TRPM3: variants seen among roughly 807,000 people sequenced by gnomAD.
TRPM3 encodes the protein transient receptor potential cation channel subfamily M member 3.
In TRPM3, 77 loss-of-function variants were observed where a neutral mutation model predicts 181.2. That is an observed-to-expected ratio of 0.42 (90% CI 0.35 to 0.51). TRPM3 has a LOEUF of 0.51. Among genes scored for constraint, TRPM3 ranks in the 20% least tolerant of loss-of-function variants. The pLI, the probability that TRPM3 is intolerant of heterozygous loss-of-function variation, is 0.01. For missense variants in TRPM3, 1,759 were observed against 2,196.7 expected, an observed-to-expected ratio of 0.80 and a Z score of 3.98; for synonymous variants, 745 against 796.4, an observed-to-expected ratio of 0.94 and a Z score of 1.09.
At chr9:71,091,031 C>CT (rs1004337626) in intron 1 of TRPM3, among the ~76,000 whole-genome samples, 2 of 152,020 alleles carry the variant, frequency 1.3e-5, no homozygotes, top group African/African-American at 4.8e-5. Flanking sequence ...AATTTACTGC[C>CT]TTTTTTTCTG....
intron 9 of TRPM3, among the ~76,000 whole-genome samples, chr9:70,674,724 ATTT>A (rs67630432): frequency 1.0e-5 from 1 of 97,886 alleles, no homozygotes; most frequent in African/African-American, 4.0e-5. Context: ...TATTCAGGCT[ATTT>A]TTTTTTTTTT....
chr9:71,201,076 C>CA, intron 1 of TRPM3, among the ~76,000 whole-genome samples: 1 of 152,110 alleles, frequency 6.6e-6, no homozygotes, highest in African/African-American at 2.4e-5. Flanking sequence ...CTGGTGGTGA[C>CA]AAAATCACTC....
At chr9:70,696,693 C>A (rs1043061769) in intron 8 of TRPM3, among the ~76,000 whole-genome samples, 3 of 152,074 alleles carry the variant, frequency 2.0e-5, no homozygotes, top group African/African-American at 7.2e-5. Flanking sequence ...CCAAGATAAT[C>A]CTAAATTTTG....
intron 1 of TRPM3, among the ~76,000 whole-genome samples, chr9:71,304,528 T>TTG (rs1371872739): frequency 6.6e-6 from 1 of 152,220 alleles, no homozygotes; most frequent in Non-Finnish European, 1.5e-5. Context: ...CTAGCATCTA[T>TTG]TGTAAGGGTA....
At chr9:71,294,000 C>T (rs973199569) in intron 1 of TRPM3, among the ~76,000 whole-genome samples, 4 of 151,928 alleles carry the variant, frequency 2.6e-5, no homozygotes, top group Non-Finnish European at 5.9e-5. Context: ...CTGCTTCCTT[C>T]TTGGAATAAA....
At chr9:71,339,761 AG>A (rs1457315512) in intron 1 of TRPM3, among the ~76,000 whole-genome samples, 4 of 152,084 alleles carry the variant, frequency 2.6e-5, no homozygotes, top group Admixed American at 1.3e-4. Context: ...GTTGACTCTG[AG>A]GGGGTAGCAG....
intron 1 of TRPM3, among the ~76,000 whole-genome samples, chr9:71,428,948 G>GAAAAA (rs34737844): frequency 1.6e-5 from 2 of 121,996 alleles, no homozygotes; most frequent in Non-Finnish European, 1.7e-5. Flanking sequence ...TGTTTCAAAG[G>GAAAAA]AAAAAAAAAA....
chr9:71,307,000 T>C (rs1488249375), intron 1 of TRPM3, among the ~76,000 whole-genome samples: 1 of 152,234 alleles, frequency 6.6e-6, no homozygotes, highest in East Asian at 1.9e-4. Flanking sequence ...CTTCATAGAT[T>C]ACTCACTAGT....
intron 1 of TRPM3, among the ~76,000 whole-genome samples, chr9:71,163,846 A>T (rs1395690637): frequency 6.6e-6 from 1 of 152,104 alleles, no homozygotes; most frequent in Admixed American, 6.6e-5. Flanking sequence ...CCAAAGAAAG[A>T]GATTTTTAGT....
intron 1 of TRPM3, among the ~76,000 whole-genome samples, chr9:71,109,418 C>T (rs2134183101): frequency 6.6e-6 from 1 of 152,138 alleles, no homozygotes; most frequent in South Asian, 2.1e-4. Context: ...TCCTTGAATT[C>T]TGTTAATTTG....
chr9:71,196,302 T>C (rs2078358139), intron 1 of TRPM3, among the ~76,000 whole-genome samples: 1 of 148,894 alleles, frequency 6.7e-6, no homozygotes, highest in Non-Finnish European at 1.5e-5. Context: ...AGTATTGAAG[T>C]TATGGCCAAA....
chr9:70,978,588 T>C lies in TRPM3; in HGVS notation c.178-114077A>G, dbSNP rs7045398. ...TCCATTGAAGTTATTTCCGATGCTT[T>C]CATTTGCCACATAAATTTCTGAAAC... On this transcript the variant is annotated intron_variant, in intron 1 of 25. Transcript: ENST00000677713. Among the ~76,000 whole-genome samples the C allele has an allele frequency of 3.5e-3, 528 of 152,332 alleles. 6 individuals are homozygous for C. The highest frequency in any genetic ancestry group is 0.012 in the African/African-American group (502 of 41,572).
At chr9:70,583,855 G>A (rs1378527734) in intron 22 of TRPM3, among the ~76,000 whole-genome samples, 3 of 152,092 alleles carry the variant, frequency 2.0e-5, no homozygotes, top group Admixed American at 1.3e-4. Context: ...TACTCTCACC[G>A]TACTTCTTTC....
intron 6 of TRPM3, among the ~76,000 whole-genome samples, chr9:70,817,698 C>T (rs976411207): frequency 2.0e-5 from 3 of 152,144 alleles, no homozygotes; most frequent in African/African-American, 7.2e-5. Flanking sequence ...AAGAAATTCT[C>T]ATTAGAAACT....
At chr9:70,602,194 C>A (rs1373795387) in intron 20 of TRPM3, among the ~76,000 whole-genome samples, 6 of 145,610 alleles carry the variant, frequency 4.1e-5, no homozygotes, top group African/African-American at 1.3e-4. Context: ...AGATGGTAGT[C>A]AGAGTTAAAA....
intron 1 of TRPM3, among the ~76,000 whole-genome samples, chr9:70,895,620 C>T (rs377484158): frequency 6.6e-6 from 1 of 152,098 alleles, no homozygotes; most frequent in African/African-American, 2.4e-5. Context: ...TTCTTTTATA[C>T]AATTACCTAG....
intron 1 of TRPM3, among the ~76,000 whole-genome samples, chr9:71,109,278 A>G (rs1176600078): frequency 1.3e-5 from 2 of 149,812 alleles, no homozygotes; most frequent in Non-Finnish European, 3.0e-5. Flanking sequence ...ATATATATAC[A>G]TCCTACTGCT....
intron 8 of TRPM3, among the ~76,000 whole-genome samples, chr9:70,698,491 A>G (rs932465629): frequency 2.0e-5 from 3 of 152,236 alleles, no homozygotes; most frequent in African/African-American, 7.2e-5. Context: ...TACTTAGCAT[A>G]TAGCCCTGAG....
chr9:71,359,503 T>G (rs540939862), intron 1 of TRPM3, among the ~76,000 whole-genome samples: 1 of 152,208 alleles, frequency 6.6e-6, no homozygotes, highest in South Asian at 2.1e-4. Context: ...AGACCTCTGC[T>G]ATTAACCCAC....
Sources: gnomAD v4.1 joint callset for allele counts (sites outside exome capture counted in the v4.1 genomes callset) on GRCh38, gnomAD v4.1.1 for gene constraint, MANE v1.5 for transcripts, NCBI Gene and HGNC (gene_info 2026-07-23, HGNC 2026-07-21) for gene names.